Variants in COL6A5 observed in about 807,000 individuals in gnomAD.
COL6A5 encodes the protein collagen alpha-5(VI) chain.
COL6A5 carries 48 observed loss-of-function variants against 65.6 expected under a neutral mutation model. The ratio of observed to expected loss-of-function variants is 0.73; its 90% confidence interval spans 0.58 to 0.93. The LOEUF is 0.93. Among genes scored for constraint, COL6A5 ranks in the 40% least tolerant of loss-of-function variants. The pLI is 0.00. For missense variants in COL6A5, 914 were observed against 928.3 expected (o/e 0.98, Z 0.20); for synonymous variants, 291 against 322.8 (o/e 0.90, Z 1.05).
At chr3:130,431,909 T>G (rs562587281) in exon 1 of COL6A5, 1 of 1,550,984 alleles carries the variant, frequency 6.4e-7, no homozygotes, top group South Asian at 1.2e-5. Context: ...AGTCCAACAG[T>G]CTTTGCTTTT....
At chr3:130,353,645 A>G (rs906189025) in intron 1 of COL6A5, among the ~76,000 whole-genome samples, 1 of 152,126 alleles carries the variant, frequency 6.6e-6, no homozygotes, top group African/African-American at 2.4e-5. Context: ...CAAAGAAAAG[A>G]GAGAGAAGTG....
intron 5 of COL6A5, among the ~76,000 whole-genome samples, chr3:130,462,378 C>A (rs1300173473): frequency 6.6e-6 from 1 of 152,096 alleles, no homozygotes; most frequent in East Asian, 1.9e-4. Flanking sequence ...TACACTTGTG[C>A]ATGTGTCTGT....
intron 29 of COL6A5, among the ~76,000 whole-genome samples, chr3:130,424,270 C>G (rs1210849315): frequency 1.3e-5 from 2 of 151,856 alleles, no homozygotes; most frequent in Admixed American, 6.6e-5. Context: ...TGGAGTTTAC[C>G]AAAACCACTA....
chr3:130,452,720 G>A (rs1171000374), intron 4 of COL6A5, among the ~76,000 whole-genome samples: 1 of 152,138 alleles, frequency 6.6e-6, no homozygotes, highest in African/African-American at 2.4e-5. Flanking sequence ...GGGTTTGAGA[G>A]CAACTGGTCT....
At chr3:130,423,337 T>G (rs1301400602) in intron 28 of COL6A5, among the ~76,000 whole-genome samples, 2 of 152,132 alleles carry the variant, frequency 1.3e-5, no homozygotes, top group Non-Finnish European at 2.9e-5. Context: ...TTGAGTGCCA[T>G]ATCAGTGGTC....
chr3:130,405,693 T>A, intron 14 of COL6A5, 34 bp downstream of exon 14: 1 of 1,440,280 alleles, frequency 6.9e-7, no homozygotes, highest in South Asian at 1.2e-5. Context: ...TTTCCAATTC[T>A]CTGTAACATT....
In COL6A5 at chr3:130,432,225, C is replaced by T. The variant is rs1366845086; in HGVS notation, c.487+276C>T. ...TGTATTCATACATTCTCACAGCCCT[C>T]GGAGGTCAATGCAGCTGTTGTCTCC... On this transcript the variant is annotated intron_variant, in intron 1 of 7. Transcript: ENST00000512836. Among the ~76,000 whole-genome samples the T allele has an allele frequency of 2.6e-5, 4 of 152,164 alleles. No homozygotes were observed. In the East Asian group the frequency reaches 5.8e-4, roughly 22 times the overall value.
At chr3:130,397,387 A>G (rs1276313486) in intron 8 of COL6A5, among the ~76,000 whole-genome samples, 196 bp from the exon 9 acceptor site, 2 of 151,954 alleles carry the variant, frequency 1.3e-5, no homozygotes, top group Non-Finnish European at 2.9e-5. Context: ...ATACACATAT[A>G]TATGTGTATA....
At chr3:130,349,403 C>T (rs1192969906) in intron 1 of COL6A5, among the ~76,000 whole-genome samples, 3 of 152,116 alleles carry the variant, frequency 2.0e-5, no homozygotes, top group Non-Finnish European at 4.4e-5. Context: ...ATAATTATAG[C>T]TAACTTATAT....
At chr3:130,442,851 T>G (rs969583882) in intron 3 of COL6A5, among the ~76,000 whole-genome samples, 27 of 152,240 alleles carry the variant, frequency 1.8e-4, no homozygotes, top group African/African-American at 6.3e-4. Flanking sequence ...TGAGATATTT[T>G]CATAGATCCT....
At chr3:130,391,785 G>C (rs1337667910) in intron 7 of COL6A5, 31 bp downstream of exon 7, 2 of 1,471,410 alleles carry the variant, frequency 1.4e-6, no homozygotes, top group Admixed American at 2.2e-5. Context: ...TTTCTATGGG[G>C]GTAGCAATAA....
chr3:130,377,595 C>T (rs186904281), intron 3 of COL6A5, among the ~76,000 whole-genome samples: 14 of 152,292 alleles, frequency 9.2e-5, no homozygotes, highest in Admixed American at 9.2e-4. Flanking sequence ...CTGTGTTGAG[C>T]CCTGCATCTG....
rs1937838105 is a variant in COL6A5, at chr3:130,431,990, A to T, written c.487+41A>T. 2.0e-6 allele frequency: 3 copies of T among 1,536,842 alleles called. No individual in the cohort carries two copies. In the South Asian group the frequency reaches 3.7e-5, roughly 19 times the overall value. On this transcript the variant is annotated intron_variant, in intron 1 of 7. Coordinates refer to ENST00000512836, the Ensembl canonical transcript of COL6A5. Reference sequence around the variant, plus strand: ...GGCAACTTCTTTAATTTTAAGATAGAGGTAGGTATTGTGATAGGGCAGGAT... The same window carrying T: ...GGCAACTTCTTTAATTTTAAGATAGTGGTAGGTATTGTGATAGGGCAGGAT...
intron 3 of COL6A5, among the ~76,000 whole-genome samples, chr3:130,442,248 C>T (rs1709200882): frequency 6.6e-6 from 1 of 152,090 alleles, no homozygotes. Flanking sequence ...AAATATATCA[C>T]TCCTGTGCAT....
intron 3 of COL6A5, 133 bp downstream of exon 3, chr3:130,376,969 A>G: frequency 2.0e-6 from 2 of 993,460 alleles, no homozygotes; most frequent in South Asian, 2.1e-5. Context: ...TACACATCAT[A>G]CCTACTCGCT....
chr3:130,449,073 T>A (rs905472261), intron 4 of COL6A5, among the ~76,000 whole-genome samples: 5 of 152,172 alleles, frequency 3.3e-5, no homozygotes, highest in African/African-American at 1.2e-4. Context: ...AAGAGAAGAT[T>A]CCACATTTCC....
Position 130,397,840 on chromosome 3 carries a change from G to T in COL6A5, c.3826G>T (p.Val1276Phe), listed in dbSNP as rs79867908. ...GTTTGACAGCTTGCTGCAAGTCAAC[G>T]TCAGTGGGCCAACTCATCTGAACGC... The change falls in exon 9 of 42, where the codon GTC becomes TTC. Residue 1276 changes from valine to phenylalanine, a missense_variant and NMD_transcript_variant. Physicochemically the swap from Val to Phe is conservative, Grantham distance 50. Transcript: ENST00000312481. The T allele has an allele frequency of 1.9e-6, 3 of 1,551,592 alleles. No individual in the cohort carries two copies. The South Asian group carries it at 3.6e-5, about 18-fold the overall frequency.
intron 5 of COL6A5, among the ~76,000 whole-genome samples, chr3:130,457,872 C>A (rs1240170676): frequency 6.6e-6 from 1 of 152,048 alleles, no homozygotes; most frequent in African/African-American, 2.4e-5. Context: ...TGATAAGTTC[C>A]AGATGTATGG....
intron 5 of COL6A5, among the ~76,000 whole-genome samples, chr3:130,460,223 G>C (rs1180664771): frequency 1.3e-5 from 2 of 152,052 alleles, no homozygotes; most frequent in Admixed American, 6.6e-5. Flanking sequence ...GCAATGTCTG[G>C]ATTTTAATAA....
Sources: allele counts gnomAD v4.1 joint callset (sites outside exome capture counted in the v4.1 genomes callset), GRCh38; gene constraint gnomAD v4.1.1; transcripts MANE v1.5; gene names NCBI Gene and HGNC (gene_info 2026-07-23, HGNC 2026-07-21).